CYTH3: variants seen among roughly 807,000 people sequenced by gnomAD.
CYTH3 encodes cytohesin 3.
Under a neutral mutation model 55.1 loss-of-function variants are expected in CYTH3, and 23 were observed. The ratio of observed to expected loss-of-function variants is 0.42; its 90% CI spans 0.30 to 0.59. CYTH3 has a LOEUF of 0.59. Among genes scored for constraint, CYTH3 ranks in the 20% least tolerant of loss-of-function variants. CYTH3 has a pLI of 0.20. For missense variants in CYTH3, 413 were observed against 524.8 expected, an observed-to-expected ratio of 0.79 and a Z score of 2.08; for synonymous variants, 249 against 194.9, an observed-to-expected ratio of 1.28 and a Z score of -2.31.
intron 4 of CYTH3, among the ~76,000 whole-genome samples, chr7:6,185,656 C>A (rs1225932899): frequency 6.7e-6 from 1 of 149,802 alleles, no homozygotes; most frequent in Non-Finnish European, 1.5e-5. Context: ...GCCGAGATCG[C>A]ACCACTGCAC....
intron 1 of CYTH3, among the ~76,000 whole-genome samples, chr7:6,250,011 A>G (rs1169723440): frequency 6.6e-6 from 1 of 152,028 alleles, no homozygotes; most frequent in Non-Finnish European, 1.5e-5. Flanking sequence ...ACTTCTCCCC[A>G]CTTGCCCCCC....
At chr7:6,188,124 T>G (rs1489730965) in intron 2 of CYTH3, among the ~76,000 whole-genome samples, 3 of 151,956 alleles carry the variant, frequency 2.0e-5, no homozygotes, top group African/African-American at 4.8e-5. Context: ...ATCAGGAGTT[T>G]GAGAACAGCC....
At chr7:6,259,753 TATATTA>T (rs1780238631) in intron 1 of CYTH3, among the ~76,000 whole-genome samples, 1 of 11,836 alleles carries the variant, frequency 8.4e-5, no homozygotes, top group African/African-American at 3.2e-4. Context: ...AATATATATA[TATATTA>T]TATATATATA....
intron 1 of CYTH3, among the ~76,000 whole-genome samples, chr7:6,260,500 T>C (rs1780326345): frequency 6.6e-6 from 1 of 152,120 alleles, no homozygotes; most frequent in Non-Finnish European, 1.5e-5. Context: ...CCATGGCACG[T>C]GCCTTTCCTT....
At chr7:6,229,547 C>T (rs1301193460) in intron 1 of CYTH3, among the ~76,000 whole-genome samples, 7 of 151,494 alleles carry the variant, frequency 4.6e-5, no homozygotes, top group Non-Finnish European at 1.0e-4. Flanking sequence ...CAGTGGTTCA[C>T]GCCTGTAATC....
rs897201540 is a variant in CYTH3 at position 6,218,938 on chromosome 7, G to A, written c.35-28407C>T. On this transcript the variant is annotated intron_variant, in intron 1 of 12. Transcript: ENST00000350796. Reference sequence around the variant, plus strand: ...GAGAATCGCTTGAACCCGGGAGGCGGAGGTTGCAGTGAGCCGACACTGTGC... The same window carrying A: ...GAGAATCGCTTGAACCCGGGAGGCGAAGGTTGCAGTGAGCCGACACTGTGC... Among the ~76,000 whole-genome samples the A allele has an allele frequency of 1.4e-4, 21 of 150,776 alleles. 2 individuals are homozygous for A. The highest frequency in any genetic ancestry group is 1.3e-4 in the Admixed American group (2 of 15,070).
intron 1 of CYTH3, among the ~76,000 whole-genome samples, chr7:6,262,445 G>C (rs1780375900): frequency 6.6e-6 from 1 of 152,102 alleles, no homozygotes; most frequent in Admixed American, 6.5e-5. Flanking sequence ...AACCCAAAGA[G>C]AACATCTTAA....
At chr7:6,179,904 AACCACACACACACAAAC>A (rs1783462056) in intron 4 of CYTH3, among the ~76,000 whole-genome samples, 1 of 117,734 alleles carries the variant, frequency 8.5e-6, no homozygotes, top group African/African-American at 3.3e-5. Context: ...ACCCACACAC[AACCACACACACACAAAC>A]CACACACACA....
chr7:6,215,721 G>C (rs550805983), intron 1 of CYTH3, among the ~76,000 whole-genome samples: 1 of 152,106 alleles, frequency 6.6e-6, no homozygotes, highest in South Asian at 2.1e-4. Context: ...AAACAAACTT[G>C]AAACAGGATA....
At chr7:6,223,389 G>A (rs1779139234) in intron 1 of CYTH3, among the ~76,000 whole-genome samples, 1 of 152,204 alleles carries the variant, frequency 6.6e-6, no homozygotes, top group East Asian at 1.9e-4. Context: ...TTGTCGAAAA[G>A]AAAAGGGGGA....
chr7:6,272,532 G>T lies in CYTH3; in HGVS notation c.-25C>A. 1 of 1,320,210 alleles carries T rather than the reference G, an allele frequency of 7.6e-7. No individual in the cohort carries two copies. Among genetic ancestry groups the T allele is most frequent in the Non-Finnish European group, 9.8e-7 (1 of 1,022,660 alleles). The allele number at this position is 1,320,210 out of a possible 1,614,324, so 81.8% of individuals were successfully genotyped here. ...TCTTGAGGCCACTCCCGCAGCCGGCGAGCCGGGGGCCGGCAGCAGAGGGGC... is the reference window on the plus strand; with the variant it reads ...TCTTGAGGCCACTCCCGCAGCCGGCTAGCCGGGGGCCGGCAGCAGAGGGGC... On this transcript the variant is annotated 5_prime_UTR_variant, in exon 1 of 13. Coordinates refer to ENST00000350796, the MANE Select transcript of CYTH3 (RefSeq NM_004227.4).
Position 6,217,940 on chromosome 7 carries a change from T to C in CYTH3, c.35-27409A>G, listed in dbSNP as rs538077490. Reference sequence around the variant, plus strand: ...GCTCATGCCTGTAATCCCAACACTTTGGAAGGCCGAGGTGGGCAGATCACT... The same window carrying C: ...GCTCATGCCTGTAATCCCAACACTTCGGAAGGCCGAGGTGGGCAGATCACT... On this transcript the variant is annotated intron_variant, in intron 1 of 12. Transcript: ENST00000350796. Among the ~76,000 whole-genome samples the C allele has an allele frequency of 3.9e-3, 597 of 152,120 alleles. 3 individuals are homozygous for C. The highest frequency in any genetic ancestry group is 5.1e-3 in the Non-Finnish European group (347 of 68,000).
Position 6,164,932 on chromosome 7 carries a change from T to C in CYTH3, c.*12A>G, listed in dbSNP as rs1032355112. The C allele has an allele frequency of 1.9e-6, 3 of 1,614,124 alleles. No individual in the cohort carries two copies. The African/African-American group carries it at 4.0e-5, about 22-fold the overall frequency. On this transcript the variant is annotated 3_prime_UTR_variant, in exon 13 of 13. Transcript: ENST00000350796. ...GGTTGGGTCTTTTACCTGGGTCTTT[T>C]AGCCAGGAAAGCTATTTTTTATTGG...
At position 6,272,475 on chromosome 7, in the gene CYTH3, G is replaced by GCCA; in HGVS notation, c.30_32dup (p.Gly11dup). 1 of 1,334,114 alleles carries GCCA rather than the reference G, an allele frequency of 7.5e-7. No individual in the cohort carries two copies. The allele number at this position is 1,334,114 out of a possible 1,614,324, so 82.6% of individuals were successfully genotyped here. On this transcript the variant is annotated inframe_insertion and splice_region_variant, in exon 1 of 13. Coordinates refer to ENST00000350796, the MANE Select transcript of CYTH3 (RefSeq NM_004227.4). ...GCCCACCACACCTCCGACACTCACC[G>GCCA]CCACCACCCTCGCCGCCGCCGTCTT...
At chr7:6,227,549 G>A (rs896838459) in intron 1 of CYTH3, among the ~76,000 whole-genome samples, 3 of 152,150 alleles carry the variant, frequency 2.0e-5, no homozygotes, top group Admixed American at 6.5e-5. Context: ...ACTTGGAAGC[G>A]TTCCCACTAC....
At chr7:6,173,962 A>G (rs1783268245) in intron 5 of CYTH3, among the ~76,000 whole-genome samples, 1 of 152,146 alleles carries the variant, frequency 6.6e-6, no homozygotes, top group African/African-American at 2.4e-5. Context: ...GGGCCTCCCA[A>G]AGTGCTGGGA....
At chr7:6,187,583 C>T in intron 3 of CYTH3, 74 bp downstream of exon 3, 1 of 1,350,508 alleles carries the variant, frequency 7.4e-7, no homozygotes, top group Non-Finnish European at 1.1e-6. Context: ...ACCCCACTTT[C>T]TGCAAGTTTG....
At chr7:6,235,709 G>A (rs534965960) in intron 1 of CYTH3, among the ~76,000 whole-genome samples, 1 of 152,228 alleles carries the variant, frequency 6.6e-6, no homozygotes, top group South Asian at 2.1e-4. Flanking sequence ...ACAGCTGGTA[G>A]TATCTTGCTG....
chr7:6,166,839 G>A (rs945149259), intron 9 of CYTH3, among the ~76,000 whole-genome samples: 11 of 152,110 alleles, frequency 7.2e-5, no homozygotes, highest in Non-Finnish European at 2.9e-5. Flanking sequence ...GGTTGCCACC[G>A]CCAGCCTGGA....
Sources: gnomAD v4.1 joint callset for allele counts (sites outside exome capture counted in the v4.1 genomes callset) on GRCh38, gnomAD v4.1.1 for gene constraint, MANE v1.5 for transcripts, NCBI Gene and HGNC (gene_info 2026-07-23, HGNC 2026-07-21) for gene names.